The following SLX4IP variants were observed in gnomAD, a reference collection of about 807,000 sequenced individuals.
SLX4IP encodes SLX4 interacting protein, also known as protein SLX4IP.
A neutral mutation model predicts 32.9 loss-of-function variants in SLX4IP; 34 were observed. The ratio of observed to expected loss-of-function variants is 1.03; its 90% CI spans 0.79 to 1.38. SLX4IP has a LOEUF of 1.38. Among genes scored for constraint, SLX4IP ranks in the 40% most tolerant of loss-of-function variants. SLX4IP has a pLI of 0.00. For missense variants in SLX4IP, 444 were observed against 479.0 expected, an observed-to-expected ratio of 0.93 and a Z score of 0.68; for synonymous variants, 172 against 171.7, an observed-to-expected ratio of 1.00 and a Z score of -0.01.
chr20:10,473,431 T>A (rs1392898197), intron 2 of SLX4IP, among the ~76,000 whole-genome samples: 1 of 152,238 alleles, frequency 6.6e-6, no homozygotes, highest in Non-Finnish European at 1.5e-5. Flanking sequence ...AGGATTCGTA[T>A]AAAGTGTTTA....
intron 4 of SLX4IP, among the ~76,000 whole-genome samples, chr20:10,589,904 A>G (rs1267478074): frequency 6.6e-6 from 1 of 152,166 alleles, no homozygotes; most frequent in Non-Finnish European, 1.5e-5. Context: ...TTTTAAAAAT[A>G]CATTGAGTCT....
At chr20:10,487,189 C>A (rs924865351) in intron 2 of SLX4IP, among the ~76,000 whole-genome samples, 12 of 152,264 alleles carry the variant, frequency 7.9e-5, no homozygotes, top group African/African-American at 2.6e-4. Context: ...CTGCTCAGCT[C>A]TTATTTATTC....
intron 6 of SLX4IP, among the ~76,000 whole-genome samples, chr20:10,608,512 GA>G (rs200859025): frequency 8.5e-4 from 123 of 144,014 alleles, no homozygotes; most frequent in Non-Finnish European, 1.2e-3. Context: ...AAAAATACAG[GA>G]AAAAAAAAAA....
At position 10,532,366 on chromosome 20, in the gene SLX4IP, A is replaced by G. The variant is rs114920959; in HGVS notation, c.28-23865A>G. On this transcript the variant is annotated intron_variant, in intron 2 of 7. Coordinates refer to ENST00000334534, the MANE Select transcript of SLX4IP (RefSeq NM_001009608.3). ...AAATATACACAATTATTTGTCAATTAAAAGAAATTAGTATCCGCACCCTCA... is the reference window on the plus strand; with the variant it reads ...AAATATACACAATTATTTGTCAATTGAAAGAAATTAGTATCCGCACCCTCA... Among the ~76,000 whole-genome samples the G allele has an allele frequency of 4.0e-3, 603 of 152,232 alleles. 6 individuals are homozygous for G. The highest frequency in any genetic ancestry group is 0.013 in the African/African-American group (556 of 41,546).
intron 6 of SLX4IP, among the ~76,000 whole-genome samples, chr20:10,606,494 G>A (rs937192882): frequency 6.6e-6 from 1 of 152,104 alleles, no homozygotes; most frequent in East Asian, 1.9e-4. Flanking sequence ...TCTAAACAAC[G>A]CTAGTGGTGA....
intron 2 of SLX4IP, among the ~76,000 whole-genome samples, chr20:10,498,684 CTT>C (rs34070774): frequency 0.02 from 2,759 of 141,184 alleles, 58 homozygotes; most frequent in South Asian, 0.07. Context: ...CTTTTCTTTT[CTT>C]TTTTTTTTTT....
chr20:10,489,534 T>G (rs550791338), intron 2 of SLX4IP, among the ~76,000 whole-genome samples: 1 of 152,376 alleles, frequency 6.6e-6, no homozygotes, highest in South Asian at 2.1e-4. Flanking sequence ...ACAAGATGTA[T>G]GAAATGTTTG....
chr20:10,440,136 A>G (rs557569222), intron 1 of SLX4IP, among the ~76,000 whole-genome samples: 2 of 143,078 alleles, frequency 1.4e-5, no homozygotes, highest in Non-Finnish European at 3.1e-5. Context: ...AAAAGATTGC[A>G]TTTTTTTTTT....
chr20:10,480,525 A>C (rs547615021), intron 2 of SLX4IP, among the ~76,000 whole-genome samples: 6 of 152,350 alleles, frequency 3.9e-5, no homozygotes, highest in Admixed American at 3.9e-4. Context: ...AAAGGTAGAA[A>C]TACTTTTGTT....
intron 2 of SLX4IP, among the ~76,000 whole-genome samples, chr20:10,472,375 C>T (rs531940151): frequency 2.8e-4 from 43 of 152,002 alleles, no homozygotes; most frequent in African/African-American, 1.0e-3. Context: ...GGACTACAGT[C>T]GCCTGCCACC....
At chr20:10,516,898 A>G (rs143807283) in intron 2 of SLX4IP, among the ~76,000 whole-genome samples, 4 of 152,332 alleles carry the variant, frequency 2.6e-5, no homozygotes, top group African/African-American at 7.2e-5. Flanking sequence ...CTAAGTCCAA[A>G]TATGGTATTG....
intron 2 of SLX4IP, among the ~76,000 whole-genome samples, chr20:10,515,374 C>T (rs560306709): frequency 6.6e-6 from 1 of 152,242 alleles, no homozygotes; most frequent in African/African-American, 2.4e-5. Flanking sequence ...CATGAGCCAC[C>T]GTGCCAGACC....
intron 2 of SLX4IP, among the ~76,000 whole-genome samples, chr20:10,505,270 G>A (rs1380146291): frequency 1.3e-5 from 2 of 152,204 alleles, no homozygotes; most frequent in East Asian, 1.9e-4. Flanking sequence ...CTGGGAATGT[G>A]TGCATGTCTT....
Position 10,623,149 on chromosome 20 carries a change from G to T in SLX4IP, c.997G>T (p.Val333Phe). 2 of 1,614,220 alleles carry T rather than the reference G, an allele frequency of 1.2e-6. No individual in the cohort carries two copies. The highest frequency in any genetic ancestry group is 1.7e-6 in the Non-Finnish European group (2 of 1,180,046). ...IIVEKSKAVR[V>F]LPASELSDPG... ...AGTGGAAAAAAGCAAAGCTGTCAGG[G>T]TTTTGCCAGCTTCAGAGTTGTCAGA... The change falls in exon 8 of 8, where the codon GTT (valine) becomes TTT (phenylalanine). Residue 333 changes from valine to phenylalanine, a missense_variant. Transcript: ENST00000334534.
intron 2 of SLX4IP, among the ~76,000 whole-genome samples, chr20:10,499,655 T>C (rs922166941): frequency 2.0e-5 from 3 of 152,216 alleles, no homozygotes; most frequent in African/African-American, 7.2e-5. Context: ...GTGAAAATGC[T>C]GAAAGGTATG....
At chr20:10,613,373 G>T in intron 6 of SLX4IP, 2 of 1,374,124 alleles carry the variant, frequency 1.5e-6, no homozygotes, top group Non-Finnish European at 2.1e-6. Context: ...TTCAAGTCTT[G>T]CCTGCACCTT....
intron 2 of SLX4IP, among the ~76,000 whole-genome samples, chr20:10,466,605 C>T (rs1048419613): frequency 4.6e-5 from 7 of 152,124 alleles, no homozygotes; most frequent in African/African-American, 9.7e-5. Flanking sequence ...AACTCGGACC[C>T]GCCAGATTTC....
At position 10,511,702 on chromosome 20, in the gene SLX4IP, A is replaced by G. The variant is rs546094031; in HGVS notation, c.28-44529A>G. 1.4e-4 allele frequency among the ~76,000 whole-genome samples: 22 copies of G among 152,360 alleles called. No individual in the cohort carries two copies. The South Asian group carries it at 2.5e-3, about 17-fold the overall frequency. Reference sequence around the variant, plus strand: ...TGACACTTGGAAAACGTAAGGACCCACAGTTAGGTGGCCAGACTGAGAGCA... The same window carrying G: ...TGACACTTGGAAAACGTAAGGACCCGCAGTTAGGTGGCCAGACTGAGAGCA... On this transcript the variant is annotated intron_variant, in intron 2 of 7. Coordinates refer to ENST00000334534, the MANE Select transcript of SLX4IP (RefSeq NM_001009608.3).
intron 2 of SLX4IP, among the ~76,000 whole-genome samples, chr20:10,494,781 A>C (rs1196565834): frequency 6.6e-6 from 1 of 151,168 alleles, no homozygotes; most frequent in African/African-American, 2.4e-5. Context: ...TCTTTAGTTT[A>C]CTCTATTTTA....
Sources: allele counts gnomAD v4.1 joint callset (sites outside exome capture counted in the v4.1 genomes callset), GRCh38; gene constraint gnomAD v4.1.1; transcripts MANE v1.5; gene names NCBI Gene and HGNC (gene_info 2026-07-23, HGNC 2026-07-21).